Variants in THSD7B observed in about 807,000 individuals in gnomAD.
THSD7B encodes thrombospondin type 1 domain containing 7B.
A neutral mutation model predicts 213.6 loss-of-function variants in THSD7B; 138 were observed. The ratio of observed to expected loss-of-function variants is 0.65; its 90% confidence interval spans 0.56 to 0.74. THSD7B has a LOEUF of 0.74. Ranked by LOEUF, THSD7B falls within the 30% of genes least tolerant of loss-of-function variation. The pLI is 0.00. For missense variants in THSD7B, 1,931 were observed against 1,991.5 expected (o/e 0.97, Z 0.58); for synonymous variants, 742 against 687.0 (o/e 1.08, Z -1.25).
intron 2 of THSD7B, among the ~76,000 whole-genome samples, chr2:136,992,020 A>T (rs1386219822): frequency 1.3e-5 from 2 of 152,240 alleles, no homozygotes; most frequent in Non-Finnish European, 2.9e-5. Context: ...CACATAAGCT[A>T]CAAAGTCACG....
intron 7 of THSD7B, among the ~76,000 whole-genome samples, chr2:137,188,828 A>C (rs1573875586): frequency 6.6e-6 from 1 of 152,226 alleles, no homozygotes; most frequent in East Asian, 1.9e-4. Context: ...AGATATGTAT[A>C]TATGGATATT....
chr2:137,107,559 C>T (rs1029299316), intron 4 of THSD7B, among the ~76,000 whole-genome samples: 28 of 152,062 alleles, frequency 1.8e-4, no homozygotes, highest in Admixed American at 5.2e-4. Context: ...GTAGAGGAGT[C>T]GTGACCTGGA....
chr2:137,628,230 C>T (rs1209499690), intron 20 of THSD7B, among the ~76,000 whole-genome samples: 33 of 152,152 alleles, frequency 2.2e-4, no homozygotes, highest in Admixed American at 2.2e-3. Flanking sequence ...GATGCAGTCA[C>T]CCTAATCTCC....
chr2:136,822,986 G>A lies in THSD7B; in HGVS notation c.-36+57299G>A, dbSNP rs185380375. 8.5e-5 allele frequency among the ~76,000 whole-genome samples: 13 copies of A among 152,262 alleles called. No homozygotes were observed. In the East Asian group the frequency reaches 2.1e-3, roughly 25 times the overall value. On this transcript the variant is annotated intron_variant, in intron 1 of 27. Transcript: ENST00000409968. ...GGGGAGCTTTCCTTGAAGAAGTTTG[G>A]AGTTTAATTACAAGACAATATTATC...
chr2:136,963,542 G>C (rs1685261183), intron 2 of THSD7B, among the ~76,000 whole-genome samples: 1 of 152,184 alleles, frequency 6.6e-6, no homozygotes, highest in African/African-American at 2.4e-5. Flanking sequence ...TACTCAGGAG[G>C]CTGAGGCAGG....
intron 7 of THSD7B, among the ~76,000 whole-genome samples, chr2:137,193,609 T>C (rs1186732922): frequency 1.3e-5 from 2 of 152,128 alleles, no homozygotes; most frequent in African/African-American, 4.8e-5. Flanking sequence ...TGGTGGCAGA[T>C]GCTCTTGGCA....
intron 12 of THSD7B, among the ~76,000 whole-genome samples, chr2:137,389,838 A>G (rs1685980807): frequency 6.6e-6 from 1 of 152,102 alleles, no homozygotes; most frequent in Non-Finnish European, 1.5e-5. Context: ...CTTTTCAGCA[A>G]TGTATGTTAT....
intron 16 of THSD7B, among the ~76,000 whole-genome samples, chr2:137,571,669 A>C (rs560454911): frequency 6.6e-6 from 1 of 152,292 alleles, no homozygotes; most frequent in South Asian, 2.1e-4. Flanking sequence ...ATTTGATTGA[A>C]TCTTCTTCAT....
At chr2:137,457,373 C>G (rs112871725) in intron 15 of THSD7B, among the ~76,000 whole-genome samples, 3 of 152,312 alleles carry the variant, frequency 2.0e-5, no homozygotes, top group African/African-American at 7.2e-5. Flanking sequence ...CTCTTCTAGG[C>G]TGGCTTGTCA....
At chr2:137,212,566 T>G (rs370318210) in intron 7 of THSD7B, among the ~76,000 whole-genome samples, 2 of 152,078 alleles carry the variant, frequency 1.3e-5, no homozygotes, top group Non-Finnish European at 2.9e-5. Flanking sequence ...TTGGGACTAA[T>G]TGGCTTTCAA....
intron 1 of THSD7B, among the ~76,000 whole-genome samples, chr2:136,866,450 T>G (rs1439021838): frequency 2.0e-5 from 3 of 152,202 alleles, no homozygotes; most frequent in African/African-American, 4.8e-5. Context: ...TATATTAAAC[T>G]ATGTTATTTT....
chr2:137,593,088 G>A (rs1329427710), intron 17 of THSD7B, among the ~76,000 whole-genome samples: 1 of 151,950 alleles, frequency 6.6e-6, no homozygotes, highest in Non-Finnish European at 1.5e-5. Flanking sequence ...ATGTTGTTGA[G>A]CAGATCAGTA....
chr2:136,783,108 G>C (rs998349081), intron 1 of THSD7B, among the ~76,000 whole-genome samples: 2 of 152,200 alleles, frequency 1.3e-5, no homozygotes, highest in African/African-American at 4.8e-5. Flanking sequence ...TGTGAAGACT[G>C]TGTTTGCTTT....
intron 2 of THSD7B, among the ~76,000 whole-genome samples, chr2:136,888,927 G>A (rs989359304): frequency 4.3e-5 from 6 of 140,968 alleles, no homozygotes; most frequent in African/African-American, 1.6e-4. Flanking sequence ...AATAAAATAA[G>A]GGACACTGTC....
chr2:137,080,265 A>G (rs547836040), intron 3 of THSD7B, among the ~76,000 whole-genome samples: 23 of 151,072 alleles, frequency 1.5e-4, no homozygotes, highest in Non-Finnish European at 8.8e-5. Context: ...CAGTGGTACA[A>G]TCTTAGCTCA....
At chr2:137,250,202 T>C (rs927883419) in intron 10 of THSD7B, among the ~76,000 whole-genome samples, 2 of 152,252 alleles carry the variant, frequency 1.3e-5, no homozygotes, top group Admixed American at 1.3e-4. Flanking sequence ...TTATAATAGC[T>C]ATAATTTATA....
chr2:137,452,892 C>T (rs997050033), intron 15 of THSD7B, among the ~76,000 whole-genome samples: 3 of 152,098 alleles, frequency 2.0e-5, no homozygotes, highest in African/African-American at 7.2e-5. Flanking sequence ...GGAAGTTGTA[C>T]AAACTAGAAA....
At chr2:137,359,705 G>A (rs1685211293) in intron 12 of THSD7B, among the ~76,000 whole-genome samples, 4 of 152,154 alleles carry the variant, frequency 2.6e-5, no homozygotes, top group Admixed American at 2.6e-4. Flanking sequence ...TGGGTACCGT[G>A]AACTTCTAGG....
chr2:137,131,956 T>C (rs9710935), intron 5 of THSD7B, among the ~76,000 whole-genome samples: 101,478 of 148,726 alleles, frequency 0.68, 35,808 homozygotes, highest in Non-Finnish European at 0.77. Flanking sequence ...ATTGAATCTG[T>C]AAATTACCTT....
Sources: gnomAD v4.1 joint callset for allele counts (sites outside exome capture counted in the v4.1 genomes callset) on GRCh38, gnomAD v4.1.1 for gene constraint, MANE v1.5 for transcripts, NCBI Gene and HGNC (gene_info 2026-07-23, HGNC 2026-07-21) for gene names.